The following SFI1 variants were observed in gnomAD, a reference collection of about 807,000 sequenced individuals.
The protein encoded by SFI1 is SFI1 centrin binding protein.
Under a neutral mutation model 207.5 loss-of-function variants are expected in SFI1, and 195 were observed. The observed-to-expected ratio is 0.94, with a 90% CI of 0.84 to 1.06. The LOEUF is 1.06. Among genes scored for constraint, SFI1 ranks in the 50% least tolerant of loss-of-function variants. The pLI, the probability that SFI1 is intolerant of heterozygous loss-of-function variation, is 0.00. For missense variants in SFI1, 1,634 were observed against 1,588.0 expected, an observed-to-expected ratio of 1.03 and a Z score of -0.49; for synonymous variants, 630 against 598.9, an observed-to-expected ratio of 1.05 and a Z score of -0.76.
intron 20 of SFI1, chr22:31,606,073 C>T (rs999214070): frequency 1.1e-5 from 5 of 465,834 alleles, no homozygotes; most frequent in African/African-American, 9.8e-5. Flanking sequence ...CCTGTTATCC[C>T]CGTAGCACCT....
chr22:31,565,954 C>T (rs112755935), intron 8 of SFI1, among the ~76,000 whole-genome samples: 3,749 of 152,162 alleles, frequency 0.025, 141 homozygotes, highest in African/African-American at 0.085. Context: ...CAGGCCTGAG[C>T]CACCATGCCT....
At position 31,613,462 on chromosome 22, in the gene SFI1, C is replaced by T. The variant is rs369378632; in HGVS notation, c.2674C>T (p.Arg892Trp). The change falls in exon 26 of 33, where the codon CGG becomes TGG. Residue 892 changes from arginine to tryptophan, a missense_variant. Coordinates refer to ENST00000400288, the MANE Select transcript of SFI1 (RefSeq NM_001007467.3). ...QGQLLQEGATRLLRFAASMKA... is the reference protein window; with the variant it reads ...QGQLLQEGATWLLRFAASMKA... ...GCAGCTCCTCCAGGAGGGTGCCACG[C>T]GGCTCCTGCGCTTTGCAGCCAGCAT... is the stretch of plus-strand genomic sequence containing the variant. 1.4e-4 allele frequency: 218 copies of T among 1,604,122 alleles called. 1 individual carries two copies. The highest frequency in any genetic ancestry group is 1.9e-4 in the African/African-American group (14 of 74,908).
In SFI1 at chr22:31,611,367, G is replaced by T. The variant is rs2070102427; in HGVS notation, c.2415+64G>T. 2.0e-6 allele frequency: 3 copies of T among 1,507,350 alleles called. No homozygotes were observed. In the South Asian group the frequency reaches 3.9e-5, roughly 20 times the overall value. 93.4% of individuals were successfully genotyped at this position (1,507,350 alleles called of 1,614,324 possible). The stretch of plus-strand genomic sequence containing the variant: ...CTGGCAAGGGGTGTCCAGGCCAGGA[G>T]ACCATTTCTCAGGAAGGGGTCTTTC... On this transcript the variant is annotated intron_variant, in intron 23 of 32. Transcript: ENST00000400288.
chr22:31,584,997 C>T, intron 13 of SFI1, 71 bp from the exon 14 acceptor site: 1 of 1,393,782 alleles, frequency 7.2e-7, no homozygotes, highest in East Asian at 2.3e-5. Flanking sequence ...AGTAACTGTA[C>T]CGCAATTTAC....
chr22:31,519,273 AT>A (rs201811890), intron 2 of SFI1, among the ~76,000 whole-genome samples: 2,233 of 131,908 alleles, frequency 0.017, 14 homozygotes, highest in African/African-American at 0.021. Context: ...TTTATTTTCC[AT>A]TTTTTTTTTT....
At position 31,606,481 on chromosome 22, in the gene SFI1, C is replaced by G. The variant is rs751932263; in HGVS notation, c.2157+51C>G. On this transcript the variant is annotated intron_variant, in intron 21 of 32. Transcript: ENST00000400288. ...CACCCAGGAGAGTTGGGACTGTGTT[C>G]TGGTGAGGGCGTGGGATGTAGGGGG... 3.4e-5 allele frequency: 50 copies of G among 1,479,488 alleles called. 1 individual carries two copies. In the South Asian group the frequency reaches 4.9e-4, roughly 15 times the overall value. 91.6% of individuals were successfully genotyped at this position (1,479,488 alleles called of 1,614,324 possible).
At chr22:31,556,434 T>C (rs2061173405) in intron 6 of SFI1, among the ~76,000 whole-genome samples, 1 of 151,992 alleles carries the variant, frequency 6.6e-6, no homozygotes, top group Admixed American at 6.6e-5. Context: ...GTTGGTCAGG[T>C]TGGTCTCGAA....
intron 2 of SFI1, among the ~76,000 whole-genome samples, chr22:31,526,549 A>T (rs1408284685): frequency 6.6e-6 from 1 of 152,096 alleles, no homozygotes; most frequent in Non-Finnish European, 1.5e-5. Flanking sequence ...GCACAGCTAA[A>T]CCATATCAAT....
At chr22:31,537,922 A>G (rs765768765) in intron 4 of SFI1, among the ~76,000 whole-genome samples, 29 of 152,134 alleles carry the variant, frequency 1.9e-4, no homozygotes, top group Non-Finnish European at 2.9e-5. Context: ...ACCACAAACT[A>G]CAGAATAATG....
At chr22:31,590,975 A>T (rs561707530) in intron 15 of SFI1, among the ~76,000 whole-genome samples, 110 of 137,282 alleles carry the variant, frequency 8.0e-4, no homozygotes, top group Non-Finnish European at 9.6e-4. Context: ...TTATTTATTT[A>T]TTTATTTTTT....
intron 4 of SFI1, among the ~76,000 whole-genome samples, chr22:31,539,853 T>C (rs2059316505): frequency 6.6e-6 from 1 of 151,956 alleles, no homozygotes; most frequent in Admixed American, 6.6e-5. Flanking sequence ...GTAGCTGGGA[T>C]TACAGGCATG....
chr22:31,615,324 G>C (rs1486602537), intron 29 of SFI1, 45 bp downstream of exon 29: 1 of 1,413,724 alleles, frequency 7.1e-7, no homozygotes, highest in African/African-American at 1.4e-5. Context: ...CTCTCACTCT[G>C]GTCTGACTTC....
At chr22:31,570,915 T>C (rs764340071) in intron 8 of SFI1, among the ~76,000 whole-genome samples, 2 of 152,186 alleles carry the variant, frequency 1.3e-5, no homozygotes, top group Non-Finnish European at 2.9e-5. Flanking sequence ...CAGACACTTC[T>C]GGCAGGTCAA....
chr22:31,523,877 T>C (rs562144015), intron 2 of SFI1, among the ~76,000 whole-genome samples: 1 of 152,286 alleles, frequency 6.6e-6, no homozygotes, highest in Admixed American at 6.5e-5. Context: ...TAAGTGTTCC[T>C]TGTAGATTAA....
chr22:31,501,233 G>A lies in SFI1; in HGVS notation c.-31+4596G>A, dbSNP rs541921673. Among the ~76,000 whole-genome samples, 15 of 150,504 alleles carry A rather than the reference G, an allele frequency of 1.0e-4. No homozygotes were observed. The South Asian group carries it at 1.7e-3, about 17-fold the overall frequency. The stretch of plus-strand genomic sequence containing the variant: ...GTTGCCCAGGCTGGAGTGCAGTGGC[G>A]TGATCTTGGCTCACTGCAAGTTCTG... On this transcript the variant is annotated intron_variant, in intron 1 of 32. Coordinates refer to ENST00000400288, the MANE Select transcript of SFI1 (RefSeq NM_001007467.3).
At chr22:31,502,472 C>G (rs1468125727) in intron 1 of SFI1, among the ~76,000 whole-genome samples, 1 of 151,698 alleles carries the variant, frequency 6.6e-6, no homozygotes, top group African/African-American at 2.4e-5. Flanking sequence ...CTCCTGGGTT[C>G]AAGCGATTCT....
rs980685625 is a variant in SFI1 at position 31,618,478 on chromosome 22, G to C, written c.*60G>C. 7.1e-7 allele frequency: 1 copy of C among 1,417,816 alleles called. No individual in the cohort carries two copies. Among genetic ancestry groups the C allele is most frequent in the African/African-American group, 1.4e-5 (1 of 69,188 alleles). The allele number at this position is 1,417,816 out of a possible 1,614,324, so 87.8% of individuals were successfully genotyped here. A position where few individuals can be genotyped will look rare whatever the true frequency, so the allele number is the denominator to read the frequency against. ...CGGGGAGGCCTCAGGCCACCTCCAG[G>C]AACAGAACACAGTTTTAAGTTTGAT... On this transcript the variant is annotated 3_prime_UTR_variant, in exon 33 of 33. Coordinates refer to ENST00000400288, the MANE Select transcript of SFI1 (RefSeq NM_001007467.3).
chr22:31,568,580 A>G (rs556117481), intron 8 of SFI1, among the ~76,000 whole-genome samples: 3 of 151,274 alleles, frequency 2.0e-5, no homozygotes, highest in East Asian at 3.9e-4. Context: ...TGACAGTAAT[A>G]TAGCATTTAG....
intron 2 of SFI1, among the ~76,000 whole-genome samples, chr22:31,510,384 C>T (rs2055319847): frequency 6.6e-6 from 1 of 151,276 alleles, no homozygotes; most frequent in African/African-American, 2.4e-5. Context: ...TTTTTAATTA[C>T]TCATTTAATT....
Sources: allele counts gnomAD v4.1 joint callset (sites outside exome capture counted in the v4.1 genomes callset), GRCh38; gene constraint gnomAD v4.1.1; transcripts MANE v1.5; gene names NCBI Gene and HGNC (gene_info 2026-07-23, HGNC 2026-07-21).